The following MPPED2 variants were observed in gnomAD, a reference collection of about 807,000 sequenced individuals.
MPPED2 encodes the protein metallophosphoesterase MPPED2.
In MPPED2, 5 loss-of-function variants were observed where a neutral mutation model predicts 33.0. The observed-to-expected ratio is 0.15, with a 90% CI of 0.08 to 0.32. MPPED2 has a LOEUF of 0.32. Ranked by LOEUF, MPPED2 falls within the 10% of genes least tolerant of loss-of-function variation. The pLI is 1.00. For missense variants in MPPED2, 275 were observed against 372.1 expected, an observed-to-expected ratio of 0.74 and a Z score of 2.15; for synonymous variants, 136 against 141.9, an observed-to-expected ratio of 0.96 and a Z score of 0.29.
intron 3 of MPPED2, among the ~76,000 whole-genome samples, chr11:30,532,765 A>G (rs1370870050): frequency 1.3e-5 from 2 of 152,170 alleles, no homozygotes; most frequent in African/African-American, 4.8e-5. Context: ...TTTGAGTTCA[A>G]TCTTCTTATG....
At chr11:30,571,270 TAAA>T (rs1418628355) in intron 2 of MPPED2, among the ~76,000 whole-genome samples, 1 of 150,858 alleles carries the variant, frequency 6.6e-6, no homozygotes, top group South Asian at 2.1e-4. Context: ...AAGAAAAAAA[TAAA>T]AAAATCTGCA....
intron 4 of MPPED2, among the ~76,000 whole-genome samples, chr11:30,427,833 T>C (rs990100929): frequency 2.6e-5 from 4 of 152,238 alleles, no homozygotes; most frequent in Non-Finnish European, 5.9e-5. Context: ...TATTTCTTTT[T>C]TTATTTAACT....
intron 6 of MPPED2, among the ~76,000 whole-genome samples, chr11:30,397,230 C>A (rs989004968): frequency 6.6e-6 from 1 of 152,044 alleles, no homozygotes; most frequent in Non-Finnish European, 1.5e-5. Context: ...CCTTTTCTAC[C>A]TTCTTTTCCA....
chr11:30,416,480 G>A (rs762694529), intron 5 of MPPED2, among the ~76,000 whole-genome samples: 2 of 152,150 alleles, frequency 1.3e-5, no homozygotes, highest in Non-Finnish European at 2.9e-5. Flanking sequence ...GCAAAGGAGG[G>A]GGGTAACATG....
chr11:30,568,408 G>A (rs1046077545), intron 2 of MPPED2, among the ~76,000 whole-genome samples: 5 of 151,782 alleles, frequency 3.3e-5, no homozygotes, highest in African/African-American at 1.2e-4. Flanking sequence ...TTTGTTTACC[G>A]TTTTATGAAG....
chr11:30,391,610 T>C (rs1702603281), intron 6 of MPPED2, among the ~76,000 whole-genome samples: 2 of 152,248 alleles, frequency 1.3e-5, no homozygotes, highest in Admixed American at 6.5e-5. Flanking sequence ...TGTTTAATCA[T>C]ATGTGTACAT....
At chr11:30,496,406 T>C (rs1410962553) in intron 3 of MPPED2, among the ~76,000 whole-genome samples, 2 of 152,230 alleles carry the variant, frequency 1.3e-5, no homozygotes, top group Non-Finnish European at 2.9e-5. Flanking sequence ...TGTCCCCACC[T>C]GAAATTAATG....
chr11:30,484,699 A>G (rs943094378), intron 4 of MPPED2, among the ~76,000 whole-genome samples: 3 of 152,228 alleles, frequency 2.0e-5, no homozygotes, highest in Non-Finnish European at 4.4e-5. Flanking sequence ...TTCATTTAAC[A>G]GACGTCTATC....
At chr11:30,463,056 G>GTCCAT (rs899991705) in intron 4 of MPPED2, among the ~76,000 whole-genome samples, 2 of 152,188 alleles carry the variant, frequency 1.3e-5, no homozygotes, top group Non-Finnish European at 2.9e-5. Context: ...AATTGAATCT[G>GTCCAT]TCCATTTTTA....
downstream of MPPED2, among the ~76,000 whole-genome samples, chr11:30,407,001 T>C (rs1207026690): frequency 6.6e-6 from 1 of 152,060 alleles, no homozygotes; most frequent in African/African-American, 2.4e-5. Context: ...TGGATGAGAG[T>C]GGGGAATGGG....
intron 3 of MPPED2, among the ~76,000 whole-genome samples, chr11:30,530,763 A>C (rs1348147164): frequency 1.3e-5 from 2 of 152,234 alleles, no homozygotes; most frequent in Admixed American, 6.5e-5. Flanking sequence ...ATATTCAAGA[A>C]GGCTACCAAA....
intron 4 of MPPED2, among the ~76,000 whole-genome samples, chr11:30,455,036 C>A (rs1189071366): frequency 6.6e-6 from 1 of 152,196 alleles, no homozygotes; most frequent in Non-Finnish European, 1.5e-5. Flanking sequence ...AATTCCACAC[C>A]AAATGCTACT....
At chr11:30,506,004 G>T (rs570261885) in intron 3 of MPPED2, among the ~76,000 whole-genome samples, 2 of 152,162 alleles carry the variant, frequency 1.3e-5, no homozygotes, top group African/African-American at 4.8e-5. Flanking sequence ...TACAATACCT[G>T]CCACATAAAG....
At chr11:30,488,005 AG>A (rs1951818546) in intron 4 of MPPED2, among the ~76,000 whole-genome samples, 1 of 151,996 alleles carries the variant, frequency 6.6e-6, no homozygotes, top group African/African-American at 2.4e-5. Context: ...ACAGACATCT[AG>A]GATATCCTGG....
At chr11:30,462,176 C>G (rs545354823) in intron 4 of MPPED2, among the ~76,000 whole-genome samples, 1 of 152,344 alleles carries the variant, frequency 6.6e-6, no homozygotes, top group South Asian at 2.1e-4. Context: ...AACACCTGTT[C>G]TTCATTACCT....
At chr11:30,431,886 T>G (rs1439145552) in intron 4 of MPPED2, among the ~76,000 whole-genome samples, 2 of 152,190 alleles carry the variant, frequency 1.3e-5, no homozygotes, top group African/African-American at 4.8e-5. Flanking sequence ...AAATTCCACT[T>G]TTTTTCAGCC....
At chr11:30,497,937 G>A (rs116703173) in intron 3 of MPPED2, among the ~76,000 whole-genome samples, 1 of 152,210 alleles carries the variant, frequency 6.6e-6, no homozygotes, top group African/African-American at 2.4e-5. Context: ...CCGATGTTAT[G>A]AGATTGTCTG....
chr11:30,549,719 C>T lies in MPPED2; in HGVS notation c.129-13544G>A, dbSNP rs1435209452. ...CCTGTGCCCTACTATTAGAGCTCAT[C>T]CCAGCTCTAGTCTCTGGAGGTTCTG... On this transcript the variant is annotated intron_variant, in intron 2 of 6. Transcript: ENST00000358117. Among the ~76,000 whole-genome samples, 7 of 152,282 alleles carry T rather than the reference C, an allele frequency of 4.6e-5. No homozygotes were observed. The South Asian group carries it at 8.3e-4, about 18-fold the overall frequency.
chr11:30,468,165 A>C (rs1394523990), intron 4 of MPPED2, among the ~76,000 whole-genome samples: 2 of 152,022 alleles, frequency 1.3e-5, no homozygotes, highest in Non-Finnish European at 2.9e-5. Context: ...CACTTTTATT[A>C]CTTAAATAAA....
Sources: allele counts gnomAD v4.1 joint callset (sites outside exome capture counted in the v4.1 genomes callset), GRCh38; gene constraint gnomAD v4.1.1; transcripts MANE v1.5; gene names NCBI Gene and HGNC (gene_info 2026-07-23, HGNC 2026-07-21).